Variants in SYT1 observed in about 807,000 individuals in gnomAD.
SYT1 encodes the protein synaptotagmin-1.
Under a neutral mutation model 44.8 loss-of-function variants are expected in SYT1, and 8 were observed. That is an observed-to-expected ratio of 0.18 (90% CI 0.10 to 0.32). The LOEUF (loss-of-function observed/expected upper bound fraction) is 0.32, where lower values mean the gene tolerates loss of function less well. Among genes scored for constraint, SYT1 ranks in the 10% least tolerant of loss-of-function variants. The pLI is 1.00. For synonymous variants in SYT1, 154 were observed against 188.8 expected (o/e 0.82, Z 1.51); for missense variants, 286 against 509.3 (o/e 0.56, Z 4.22).
At chr12:79,178,952 A>C (rs368780916) in intron 3 of SYT1, among the ~76,000 whole-genome samples, 2,834 of 77,670 alleles carry the variant, frequency 0.036, 441 homozygotes, top group African/African-American at 0.046. Flanking sequence ...AGATATAGAT[A>C]TAGATATAGA....
chr12:79,258,420 A>C (rs186535574), intron 4 of SYT1, among the ~76,000 whole-genome samples: 2 of 152,318 alleles, frequency 1.3e-5, no homozygotes, highest in African/African-American at 4.8e-5. Context: ...TAGAGTGTGT[A>C]AATGCTGACC....
intron 9 of SYT1, among the ~76,000 whole-genome samples, chr12:79,384,492 A>T (rs1025060386): frequency 1.3e-5 from 2 of 152,160 alleles, no homozygotes; most frequent in African/African-American, 2.4e-5. Context: ...ACTAGGTACA[A>T]AAATGCTTAA....
chr12:79,406,014 G>C (rs756083156), intron 9 of SYT1, among the ~76,000 whole-genome samples: 1 of 152,050 alleles, frequency 6.6e-6, no homozygotes, highest in Non-Finnish European at 1.5e-5. Context: ...TGGCTTTTAA[G>C]TACAAGAATG....
chr12:79,380,113 A>G (rs57482779), intron 9 of SYT1, among the ~76,000 whole-genome samples: 2,832 of 152,288 alleles, frequency 0.019, 100 homozygotes, highest in African/African-American at 0.065. Flanking sequence ...TCTTTTGAAG[A>G]TTAACCAGAG....
At position 79,243,924 on chromosome 12, in the gene SYT1, T is replaced by C. The variant is rs543823426; in HGVS notation, c.166+26239T>C. ...AGGAAGGAAGGAAGGAAATACAGGA[T>C]GGGGGTGGCTAAATTATACCTAATA... On this transcript the variant is annotated intron_variant, in intron 4 of 10. Transcript: ENST00000261205. Among the ~76,000 whole-genome samples, 40 of 151,738 alleles carry C rather than the reference T, an allele frequency of 2.6e-4. 1 individual carries two copies. The highest frequency in any genetic ancestry group is 9.2e-4 in the African/African-American group (38 of 41,406).
intron 2 of SYT1, among the ~76,000 whole-genome samples, chr12:79,004,558 T>G (rs901330774): frequency 6.6e-6 from 1 of 152,012 alleles, no homozygotes; most frequent in Non-Finnish European, 1.5e-5. Context: ...GGCTTAGGGC[T>G]AAAGATAAGA....
chr12:79,425,521 C>T (rs1308504446), intron 9 of SYT1, among the ~76,000 whole-genome samples: 2 of 152,136 alleles, frequency 1.3e-5, no homozygotes, highest in African/African-American at 2.4e-5. Flanking sequence ...CCCAAAATCA[C>T]ATTGCTCTGA....
chr12:78,909,652 G>C (rs1048102269), intron 1 of SYT1, among the ~76,000 whole-genome samples: 1 of 151,880 alleles, frequency 6.6e-6, no homozygotes. Flanking sequence ...TAAAGATTTT[G>C]TCCTCATTGT....
intron 9 of SYT1, among the ~76,000 whole-genome samples, chr12:79,403,206 C>A (rs1422545729): frequency 6.6e-6 from 1 of 152,072 alleles, no homozygotes; most frequent in Non-Finnish European, 1.5e-5. Flanking sequence ...GGGAATAAGA[C>A]CTTCTATTAT....
chr12:79,147,144 A>G (rs767111036), intron 3 of SYT1, among the ~76,000 whole-genome samples: 5 of 152,136 alleles, frequency 3.3e-5, no homozygotes, highest in Non-Finnish European at 7.4e-5. Context: ...CGGCCAGCAT[A>G]TATCTACTTT....
intron 3 of SYT1, among the ~76,000 whole-genome samples, chr12:79,186,475 A>G (rs1872807443): frequency 6.6e-6 from 1 of 151,974 alleles, no homozygotes; most frequent in African/African-American, 2.4e-5. Context: ...TTTTATATTC[A>G]TGGGCATTTC....
At chr12:78,884,224 ATTATT>A (rs1008733295) in intron 1 of SYT1, among the ~76,000 whole-genome samples, 1 of 151,538 alleles carries the variant, frequency 6.6e-6, no homozygotes, top group African/African-American at 2.4e-5. Flanking sequence ...TTTCAGTTAG[ATTATT>A]TTATTTATGT....
chr12:79,173,726 G>A (rs1307942027), intron 3 of SYT1, among the ~76,000 whole-genome samples: 1 of 151,996 alleles, frequency 6.6e-6, no homozygotes, highest in African/African-American at 2.4e-5. Flanking sequence ...ACGTCCAGAA[G>A]AAATAACTAG....
At chr12:79,022,016 T>C (rs748685058) in intron 2 of SYT1, among the ~76,000 whole-genome samples, 11 of 151,672 alleles carry the variant, frequency 7.3e-5, no homozygotes, top group Admixed American at 1.3e-4. Context: ...AAAACAGAGA[T>C]AAACTACAAC....
intron 3 of SYT1, among the ~76,000 whole-genome samples, chr12:79,147,772 T>C (rs1870012062): frequency 6.6e-6 from 1 of 152,200 alleles, no homozygotes; most frequent in African/African-American, 2.4e-5. Context: ...GGAAGAAATA[T>C]GAAATATCAA....
chr12:78,936,803 G>T (rs1878086181), intron 1 of SYT1, among the ~76,000 whole-genome samples: 5 of 152,110 alleles, frequency 3.3e-5, no homozygotes. Flanking sequence ...AGTGGTGGGG[G>T]AATGTTAAGC....
chr12:79,069,806 T>C (rs1274524081), intron 3 of SYT1, among the ~76,000 whole-genome samples: 2 of 152,044 alleles, frequency 1.3e-5, no homozygotes, highest in African/African-American at 4.8e-5. Flanking sequence ...AGTAAAGTGT[T>C]TGGGTGAAAG....
intron 3 of SYT1, among the ~76,000 whole-genome samples, chr12:79,130,642 A>G (rs1868751346): frequency 6.6e-6 from 1 of 152,156 alleles, no homozygotes; most frequent in African/African-American, 2.4e-5. Context: ...ACTTCAACCC[A>G]TTATGTGAAC....
chr12:79,074,195 C>A (rs958097494), intron 3 of SYT1, among the ~76,000 whole-genome samples: 1 of 152,120 alleles, frequency 6.6e-6, no homozygotes. Context: ...CTTTAATACC[C>A]CAATATGTTA....
Sources: gnomAD v4.1 joint callset for allele counts (sites outside exome capture counted in the v4.1 genomes callset) on GRCh38, gnomAD v4.1.1 for gene constraint, MANE v1.5 for transcripts, NCBI Gene and HGNC (gene_info 2026-07-23, HGNC 2026-07-21) for gene names.